HNRNPH1: variants seen among roughly 807,000 people sequenced by gnomAD.
HNRNPH1 encodes the protein heterogeneous nuclear ribonucleoprotein H.
A neutral mutation model predicts 58.6 loss-of-function variants in HNRNPH1; 4 were observed. The ratio of observed to expected loss-of-function variants is 0.07; its 90% CI spans 0.03 to 0.16. HNRNPH1 has a LOEUF of 0.16. HNRNPH1 is among the 10% of genes least tolerant of loss of function. The probability of loss-of-function intolerance (pLI) is 1.00; values close to 1 mark genes in which losing one functional copy is unlikely to be tolerated. For synonymous variants in HNRNPH1, 192 were observed against 189.2 expected (o/e 1.01, Z -0.12); for missense variants, 271 against 564.2 (o/e 0.48, Z 5.26).
At chr5:179,615,480 G>C in intron 12 of HNRNPH1, 66 bp downstream of exon 13, 1 of 887,866 alleles carries the variant, frequency 1.1e-6, no homozygotes, top group Non-Finnish European at 1.8e-6. Flanking sequence ...GACTGCTATA[G>C]AAAGCATTAT....
intron 1 of HNRNPH1, chr5:179,621,747 C>G (rs1440806200): frequency 2.7e-6 from 1 of 371,370 alleles, no homozygotes; most frequent in South Asian, 2.2e-5. Flanking sequence ...TACTTCGTTG[C>G]GAGCTGTTTT....
chr5:179,616,819 CTT>C (rs761014886), intron 10 of HNRNPH1, 48 bp downstream of exon 11: 4 of 1,415,734 alleles, frequency 2.8e-6, no homozygotes, highest in Non-Finnish European at 4.0e-6. Context: ...TTATAATTGA[CTT>C]ATACAGATAT....
At chr5:179,632,603 C>T (rs1774935674) in intron 2 of HNRNPH1, among the ~76,000 whole-genome samples, 1 of 152,222 alleles carries the variant, frequency 6.6e-6, no homozygotes, top group Non-Finnish European at 1.5e-5. Context: ...GCCCGACGGC[C>T]ACCTGAGGAG....
At chr5:179,626,792 T>C (rs1164181360), upstream of HNRNPH1, among the ~76,000 whole-genome samples, 2 of 150,800 alleles carry the variant, frequency 1.3e-5, no homozygotes, top group African/African-American at 4.9e-5. Context: ...TTTTTTTTTT[T>C]TGAGACGGAG....
At chr5:179,621,443 A>G in intron 1 of HNRNPH1, 46 bp from the exon 3 acceptor site, 1 of 1,549,080 alleles carries the variant, frequency 6.5e-7, no homozygotes, top group Non-Finnish European at 8.9e-7. Context: ...ACCTAAAACC[A>G]CCTCTGGGTG....
chr5:179,617,596 G>C, exon 8 of HNRNPH1: 1 of 1,613,856 alleles, frequency 6.2e-7, no homozygotes, highest in Non-Finnish European at 8.5e-7. Flanking sequence ...CAGTTACTCT[G>C]CCATCAGGAC....
chr5:179,616,300 A>G, intron 10 of HNRNPH1, 82 bp from the exon 12 acceptor site: 1 of 1,089,974 alleles, frequency 9.2e-7, no homozygotes, highest in Non-Finnish European at 1.4e-6. Flanking sequence ...TTCTATAGCT[A>G]TCATTTTCCA....
chr5:179,623,411 C>T, exon 1 of HNRNPH1: 1 of 252,816 alleles, frequency 4.0e-6, no homozygotes. Context: ...TGGCGGCGGC[C>T]GCTTCCGCTC....
chr5:179,615,580 T>C, exon 12 of HNRNPH1: 2 of 1,570,260 alleles, frequency 1.3e-6, no homozygotes, highest in Non-Finnish European at 1.7e-6. Flanking sequence ...ACTGGAGTTT[T>C]CCTGTAAAAC....
chr5:179,633,826 G>T (rs1055539907), intron 2 of HNRNPH1: 1 of 152,150 alleles, frequency 6.6e-6, no homozygotes, highest in African/African-American at 2.4e-5. Flanking sequence ...AGGCAGAATT[G>T]TTTGAACCGG....
intron 2 of HNRNPH1, among the ~76,000 whole-genome samples, chr5:179,632,029 G>A (rs1242661266): frequency 6.6e-6 from 1 of 150,946 alleles, no homozygotes; most frequent in Admixed American, 6.6e-5. Flanking sequence ...CGTCTCGGCC[G>A]GGCGCGGCGG....
chr5:179,633,869 C>G (rs368004679), intron 2 of HNRNPH1: 7 of 152,084 alleles, frequency 4.6e-5, no homozygotes, highest in Non-Finnish European at 8.8e-5. Flanking sequence ...CGAGTTCGGG[C>G]CACTGCACTC....
chr5:179,629,155 GGCGT>G (rs1267803225), upstream of HNRNPH1: 16 of 150,230 alleles, frequency 1.1e-4, no homozygotes, highest in Admixed American at 4.0e-4. Context: ...AAATTAGCCG[GGCGT>G]GGTGGCGGGC....
Position 179,619,427 on chromosome 5 carries a change from A to ATATT in HNRNPH1, c.398-21_398-20insAATA. ...CCAACCCTTCAACCCAAGGACAAAT[A>ATATT]ACCCCAGTAGGGGGGCAATATTAAC... On this transcript the variant is annotated intron_variant, in intron 3 of 12. Coordinates refer to ENST00000356731, the Ensembl canonical transcript of HNRNPH1. 6.2e-7 allele frequency: 1 copy of ATATT among 1,603,578 alleles called. No homozygotes were observed. The highest frequency in any genetic ancestry group is 8.5e-7 in the Non-Finnish European group (1 of 1,174,314).
exon 5 of HNRNPH1, chr5:179,618,204 T>C (rs1436155753): frequency 6.2e-7 from 1 of 1,614,206 alleles, no homozygotes; most frequent in South Asian, 1.1e-5. Flanking sequence ...AATGCTGTTA[T>C]ACCCTCTACC....
intron 3 of HNRNPH1, 26 bp downstream of exon 4, chr5:179,620,866 G>T: frequency 6.2e-7 from 1 of 1,610,386 alleles, no homozygotes; most frequent in Non-Finnish European, 8.5e-7. Flanking sequence ...AAAACTCACT[G>T]CTCAGCAACA....
At position 179,615,032 on chromosome 5, in the gene HNRNPH1, A is replaced by G. The variant is rs565415393; in HGVS notation, c.*1-73T>C. 1.7e-5 allele frequency: 15 copies of G among 906,406 alleles called. No homozygotes were observed. In the South Asian group the frequency reaches 2.0e-4, roughly 12 times the overall value. The allele number at this position is 906,406 out of a possible 1,614,324, so 56.1% of individuals were successfully genotyped here. On this transcript the variant is annotated intron_variant, in intron 12 of 12. Coordinates refer to ENST00000356731, the Ensembl canonical transcript of HNRNPH1. ...GTCAAATAAAATATAGTATTCCAAG[A>G]AAAAGTTTAAAAAGTATACGAGTAC...
chr5:179,616,271 G>T, intron 10 of HNRNPH1, 53 bp from the exon 12 acceptor site: 1 of 1,306,120 alleles, frequency 7.7e-7, no homozygotes, highest in Non-Finnish European at 1.1e-6. Context: ...TGTGGTACCT[G>T]GTGGTACCGG....
chr5:179,617,478 C>G, intron 8 of HNRNPH1, 36 bp downstream of exon 9: 1 of 1,601,980 alleles, frequency 6.2e-7, no homozygotes, highest in Non-Finnish European at 8.5e-7. Context: ...CACACAATCA[C>G]CTGTTAAGAG....
Sources: gnomAD v4.1 joint callset for allele counts (sites outside exome capture counted in the v4.1 genomes callset) on GRCh38, gnomAD v4.1.1 for gene constraint, MANE v1.5 for transcripts, NCBI Gene and HGNC (gene_info 2026-07-23, HGNC 2026-07-21) for gene names.